Variants in RARS2 observed in about 807,000 individuals in gnomAD.
RARS2 encodes the protein probable arginine--tRNA ligase, mitochondrial.
In RARS2, 67 loss-of-function variants were observed where a neutral mutation model predicts 88.5. The ratio of observed to expected loss-of-function variants is 0.76; its 90% confidence interval spans 0.62 to 0.93. The LOEUF (loss-of-function observed/expected upper bound fraction) is 0.93, where lower values mean the gene tolerates loss of function less well. Among genes scored for constraint, RARS2 ranks in the 40% least tolerant of loss-of-function variants. RARS2 has a pLI of 0.00. For missense variants in RARS2, 664 were observed against 684.2 expected (o/e 0.97, Z 0.33); for synonymous variants, 239 against 230.3 (o/e 1.04, Z -0.34).
At chr6:87,543,132 T>C (rs897061783) in intron 7 of RARS2, among the ~76,000 whole-genome samples, 2 of 149,078 alleles carry the variant, frequency 1.3e-5, no homozygotes, top group Non-Finnish European at 3.0e-5. Flanking sequence ...AGAAACCCTG[T>C]CTCTACTAAA....
At chr6:87,571,362 T>C (rs1366796241) in intron 1 of RARS2, among the ~76,000 whole-genome samples, 1 of 152,226 alleles carries the variant, frequency 6.6e-6, no homozygotes, top group Admixed American at 6.5e-5. Flanking sequence ...GTGAGTCAAT[T>C]AAATCTCTTT....
chr6:87,557,655 C>T (rs1786405810), intron 4 of RARS2, among the ~76,000 whole-genome samples: 1 of 152,210 alleles, frequency 6.6e-6, no homozygotes, highest in Non-Finnish European at 1.5e-5. Flanking sequence ...CCTCCTTCCT[C>T]AGGAGTAAAC....
At chr6:87,564,543 C>T (rs1002877340) in intron 2 of RARS2, 4 of 379,196 alleles carry the variant, frequency 1.1e-5, no homozygotes, top group South Asian at 2.2e-5. Flanking sequence ...GTGGTGTGTA[C>T]CTACAATCCC....
In RARS2 at chr6:87,540,853, G is replaced by T. The variant is rs560432979; in HGVS notation, c.612+1065C>A. 2.5e-3 allele frequency among the ~76,000 whole-genome samples: 379 copies of T among 152,152 alleles called. 2 individuals carry two copies. Among genetic ancestry groups the T allele is most frequent in the African/African-American group, 8.8e-3 (365 of 41,440 alleles). ...ATAGAGTAGGCAGAAATTCACCTTG[G>T]ACAAAAGCCAGGAAAAGGAGGTGAA... On this transcript the variant is annotated intron_variant, in intron 8 of 19. Transcript: ENST00000369536.
At chr6:87,565,022 C>T (rs374178735) in intron 2 of RARS2, among the ~76,000 whole-genome samples, 2 of 152,336 alleles carry the variant, frequency 1.3e-5, no homozygotes, top group African/African-American at 4.8e-5. Context: ...CATGCCACTG[C>T]ACTCCAGTCT....
chr6:87,562,249 T>C (rs549955789), intron 4 of RARS2, among the ~76,000 whole-genome samples: 1 of 152,324 alleles, frequency 6.6e-6, no homozygotes, highest in African/African-American at 2.4e-5. Context: ...TACAGTCTAC[T>C]ATACGCCTAG....
intron 5 of RARS2, among the ~76,000 whole-genome samples, chr6:87,555,183 A>G (rs571254222): frequency 1.3e-5 from 2 of 151,944 alleles, no homozygotes; most frequent in Non-Finnish European, 2.9e-5. Context: ...GTAATTGTTA[A>G]TACTTAAAAA....
chr6:87,517,872 A>G (rs913846877), intron 17 of RARS2, among the ~76,000 whole-genome samples: 1 of 152,158 alleles, frequency 6.6e-6, no homozygotes. Context: ...TTCTCAAACT[A>G]AAACTAAAAA....
intron 9 of RARS2, among the ~76,000 whole-genome samples, chr6:87,529,887 T>C (rs1776901379): frequency 7.0e-6 from 1 of 143,456 alleles, no homozygotes; most frequent in Non-Finnish European, 1.5e-5. Context: ...GAGGACCTCA[T>C]TATTTTTGTT....
At chr6:87,581,257 C>T (rs973323541) in intron 1 of RARS2, among the ~76,000 whole-genome samples, 4 of 152,052 alleles carry the variant, frequency 2.6e-5, no homozygotes, top group African/African-American at 9.7e-5. Flanking sequence ...CTTTAGCAAC[C>T]AGACATTCAG....
At chr6:87,586,553 C>T (rs181184786) in intron 1 of RARS2, among the ~76,000 whole-genome samples, 30 of 152,310 alleles carry the variant, frequency 2.0e-4, no homozygotes, top group Middle Eastern at 6.8e-3. Flanking sequence ...ATGCAATTAC[C>T]GGTTTACATC....
chr6:87,529,414 AG>A lies in RARS2; in HGVS notation c.878+127del, dbSNP rs777820624. ...CAGAATGTGGGAAAGTACTCTGAAC[AG>A]GAAAAAGCACTATAAAAAATCCCAA... is the stretch of plus-strand genomic sequence containing the variant. On this transcript the variant is annotated intron_variant, in intron 10 of 19. Coordinates refer to ENST00000369536, the MANE Select transcript of RARS2 (RefSeq NM_020320.5). 7.6e-5 allele frequency: 54 copies of A among 706,452 alleles called. No homozygotes were observed. The Admixed American group carries it at 9.4e-4, about 12-fold the overall frequency. The allele number at this position is 706,452 out of a possible 1,614,324, so 43.8% of individuals were successfully genotyped here. A position where few individuals can be genotyped will look rare whatever the true frequency, so the allele number is the denominator to read the frequency against.
intron 5 of RARS2, 113 bp from the exon 6 acceptor site, chr6:87,548,759 G>C: frequency 9.7e-6 from 9 of 931,760 alleles, no homozygotes; most frequent in Non-Finnish European, 1.5e-5. Flanking sequence ...TTTGGTATTA[G>C]GGCAAAGATA....
Position 87,519,164 on chromosome 6 carries a change from G to GTA in RARS2, c.1238-275_1238-274dup, listed in dbSNP as rs147071558. On this transcript the variant is annotated intron_variant, in intron 14 of 19. Transcript: ENST00000369536. The stretch of plus-strand genomic sequence containing the variant: ...ATTTTATATATATATATGTATGTGT[G>GTA]TATATATATATAAATATATATGTGT... 0.31 allele frequency: 85,713 copies of GTA among 274,148 alleles called. 15,686 individuals carry two copies. The highest frequency in any genetic ancestry group is 0.42 in the Admixed American group (8,406 of 19,832). 17.0% of individuals were successfully genotyped at this position (274,148 alleles called of 1,614,324 possible).
chr6:87,518,146 A>T (rs1772441270), intron 17 of RARS2, 23 bp downstream of exon 17: 5 of 1,614,026 alleles, frequency 3.1e-6, no homozygotes, highest in Admixed American at 3.3e-5. Flanking sequence ...AGCACACTTG[A>T]TGATCCCTGG....
intron 1 of RARS2, among the ~76,000 whole-genome samples, chr6:87,574,836 ATAAT>A (rs1266798354): frequency 6.6e-6 from 1 of 152,180 alleles, no homozygotes; most frequent in East Asian, 1.9e-4. Flanking sequence ...CATAAAACTA[ATAAT>A]TAAGAAACAT....
chr6:87,584,064 T>C (rs991439287), intron 1 of RARS2, among the ~76,000 whole-genome samples: 6 of 152,170 alleles, frequency 3.9e-5, no homozygotes, highest in African/African-American at 1.4e-4. Flanking sequence ...AGGATACAGA[T>C]TTGTAAGATA....
chr6:87,572,931 T>C (rs1770245560), intron 1 of RARS2, among the ~76,000 whole-genome samples: 1 of 151,768 alleles, frequency 6.6e-6, no homozygotes, highest in Non-Finnish European at 1.5e-5. Context: ...AACATATATA[T>C]ATACATACTC....
In RARS2 at chr6:87,530,794, C is replaced by T. The variant is rs151021900; in HGVS notation, c.761G>A (p.Arg254Gln). ...AGGGTCAACCAATACCTTGTAAACC[C>T]GAATGTACTCTTCAATGCTCAAGTC... ...FRDLSIEEYI[R>Q]VYKRLGVYFD... Residue 254 changes from arginine (R) to glutamine (Q), a missense_variant, in exon 9 of 20, where the codon CGG (arginine) becomes CAG (glutamine). Arg to Gln is a conservative substitution (Grantham distance 43, BLOSUM62 1). Coordinates refer to ENST00000369536, the MANE Select transcript of RARS2 (RefSeq NM_020320.5). 1.6e-5 allele frequency: 26 copies of T among 1,614,020 alleles called. No homozygotes were observed. The African/African-American group carries it at 2.3e-4, about 14-fold the overall frequency.
Sources: allele counts gnomAD v4.1 joint callset (sites outside exome capture counted in the v4.1 genomes callset), GRCh38; gene constraint gnomAD v4.1.1; transcripts MANE v1.5; gene names NCBI Gene and HGNC (gene_info 2026-07-23, HGNC 2026-07-21).